The following ATP13A5 variants were observed in gnomAD, a reference collection of about 807,000 sequenced individuals.
The protein encoded by ATP13A5 is probable cation-transporting ATPase 13A5.
In ATP13A5, 149 loss-of-function variants were observed where a neutral mutation model predicts 150.2. The ratio of observed to expected loss-of-function variants is 0.99; its 90% CI spans 0.87 to 1.14. The LOEUF (loss-of-function observed/expected upper bound fraction) is 1.14, where lower values mean the gene tolerates loss of function less well. ATP13A5 is among the 50% of genes most tolerant of loss of function. The pLI, the probability that ATP13A5 is intolerant of heterozygous loss-of-function variation, is 0.00. For synonymous variants in ATP13A5, 497 were observed against 522.2 expected (o/e 0.95, Z 0.66); for missense variants, 1,383 against 1,449.3 (o/e 0.95, Z 0.74).
intron 11 of ATP13A5, among the ~76,000 whole-genome samples, chr3:193,333,212 A>C (rs1236857482): frequency 6.6e-6 from 1 of 151,382 alleles, no homozygotes; most frequent in African/African-American, 2.4e-5. Flanking sequence ...GATGCCACCA[A>C]TTTGGACATT....
intron 10 of ATP13A5, among the ~76,000 whole-genome samples, 193 bp from the exon 11 acceptor site, chr3:193,334,100 C>G (rs968352127): frequency 6.6e-6 from 1 of 152,098 alleles, no homozygotes; most frequent in African/African-American, 2.4e-5. Flanking sequence ...GAGCAATGCT[C>G]TAGTGTCTAG....
At chr3:193,331,465 G>T (rs574248013) in intron 11 of ATP13A5, among the ~76,000 whole-genome samples, 154 bp from the exon 12 acceptor site, 43 of 152,212 alleles carry the variant, frequency 2.8e-4, no homozygotes, top group African/African-American at 1.0e-3. Flanking sequence ...TCCTGGTTCT[G>T]TTTCCCTCTA....
intron 9 of ATP13A5, among the ~76,000 whole-genome samples, chr3:193,339,814 A>G (rs1415577437): frequency 6.6e-6 from 1 of 152,154 alleles, no homozygotes; most frequent in Non-Finnish European, 1.5e-5. Flanking sequence ...TTTGAATCAC[A>G]GAATATTAAT....
chr3:193,360,856 T>C (rs1157452277), intron 5 of ATP13A5, among the ~76,000 whole-genome samples: 1 of 152,200 alleles, frequency 6.6e-6, no homozygotes, highest in African/African-American at 2.4e-5. Context: ...TTTGTATTTT[T>C]AGTAAAGACG....
chr3:193,345,664 T>G (rs1439889360), intron 7 of ATP13A5, among the ~76,000 whole-genome samples: 1 of 152,164 alleles, frequency 6.6e-6, no homozygotes, highest in Non-Finnish European at 1.5e-5. Flanking sequence ...GACTCAGGTA[T>G]TGTAACAGAC....
intron 20 of ATP13A5, 78 bp from the exon 21 acceptor site, chr3:193,310,795 T>A: frequency 3.7e-6 from 4 of 1,068,568 alleles, no homozygotes; most frequent in Non-Finnish European, 5.5e-6. Context: ...CCCTGAAAAA[T>A]CACTCCTGGT....
intron 15 of ATP13A5, 119 bp from the exon 16 acceptor site, chr3:193,321,956 G>T: frequency 8.6e-7 from 1 of 1,162,248 alleles, no homozygotes. Flanking sequence ...TAGTATATTT[G>T]TCACAACATT....
chr3:193,364,038 G>A, intron 2 of ATP13A5, 69 bp downstream of exon 2: 2 of 1,481,348 alleles, frequency 1.4e-6, no homozygotes, highest in African/African-American at 1.4e-5. Context: ...CAGCCACAGA[G>A]TTATGCCACA....
chr3:193,374,299 C>CAGAG (rs749292538), intron 1 of ATP13A5, among the ~76,000 whole-genome samples: 3 of 116,012 alleles, frequency 2.6e-5, no homozygotes, highest in African/African-American at 1.1e-4. Flanking sequence ...CACACACACA[C>CAGAG]ACAGAGAGAG....
chr3:193,327,132 AGTT>A, intron 12 of ATP13A5, 75 bp from the exon 13 acceptor site: 2 of 1,335,482 alleles, frequency 1.5e-6, no homozygotes, highest in South Asian at 2.7e-5. Flanking sequence ...ACAAAACCCA[AGTT>A]TCTAAGATAT....
At chr3:193,360,114 C>T (rs1712949107) in intron 5 of ATP13A5, among the ~76,000 whole-genome samples, 1 of 152,154 alleles carries the variant, frequency 6.6e-6, no homozygotes, top group Non-Finnish European at 1.5e-5. Context: ...CTAGGACAGG[C>T]ACTAATATGG....
intron 5 of ATP13A5, among the ~76,000 whole-genome samples, chr3:193,356,605 T>A (rs961772989): frequency 2.6e-5 from 4 of 152,126 alleles, no homozygotes; most frequent in African/African-American, 9.7e-5. Flanking sequence ...CAGTAGCATA[T>A]GAGAAAAATA....
Position 193,354,111 on chromosome 3 carries a change from A to G in ATP13A5, c.606+16T>C. The stretch of plus-strand genomic sequence containing the variant: ...AAATCTATTTTTTCAAAAAAAAAAG[A>G]AAAGAAAACAGTTACCTGTTTAACA... On this transcript the variant is annotated intron_variant, in intron 6 of 29. Coordinates refer to ENST00000342358, the MANE Select transcript of ATP13A5 (RefSeq NM_198505.4). The G allele has an allele frequency of 6.3e-7, 1 of 1,589,450 alleles. No individual in the cohort carries two copies. Among genetic ancestry groups the G allele is most frequent in the Non-Finnish European group, 8.5e-7 (1 of 1,172,404 alleles).
chr3:193,326,932 G>T, intron 13 of ATP13A5, 64 bp downstream of exon 13: 2 of 1,409,640 alleles, frequency 1.4e-6, no homozygotes, highest in East Asian at 2.3e-5. Flanking sequence ...CCCAAAAGAT[G>T]GATTTGAGTA....
At chr3:193,286,128 C>CT (rs36000663) in intron 26 of ATP13A5, among the ~76,000 whole-genome samples, 144 of 151,986 alleles carry the variant, frequency 9.5e-4, no homozygotes, top group South Asian at 1.7e-3. Context: ...TTCCAATGTT[C>CT]TTTTTTTTCA....
intron 29 of ATP13A5, among the ~76,000 whole-genome samples, chr3:193,276,182 C>T (rs1365129812): frequency 1.3e-5 from 2 of 152,080 alleles, no homozygotes; most frequent in African/African-American, 4.8e-5. Flanking sequence ...AGTCTTAAAG[C>T]ACATGAGTTA....
chr3:193,333,937 G>C, intron 10 of ATP13A5, 30 bp from the exon 11 acceptor site: 1 of 1,593,118 alleles, frequency 6.3e-7, no homozygotes, highest in Non-Finnish European at 8.6e-7. Context: ...GATCAAGTAA[G>C]GCTGCTTGAT....
Position 193,297,944 on chromosome 3 carries a change from C to T in ATP13A5, c.2848+1187G>A, listed in dbSNP as rs777397011. Among the ~76,000 whole-genome samples, 4 of 152,118 alleles carry T rather than the reference C, an allele frequency of 2.6e-5. 1 individual carries two copies. In the South Asian group the frequency reaches 6.2e-4, roughly 24 times the overall value. On this transcript the variant is annotated intron_variant, in intron 25 of 29. Coordinates refer to ENST00000342358, the MANE Select transcript of ATP13A5 (RefSeq NM_198505.4). ...TATCTGTACACATTCTAAGGCTCTT[C>T]AAGTGCTCAGAGAGCTAGTCAGTCT...
At chr3:193,376,000 G>A (rs942073001) in intron 1 of ATP13A5, among the ~76,000 whole-genome samples, 3 of 152,260 alleles carry the variant, frequency 2.0e-5, no homozygotes, top group African/African-American at 7.2e-5. Context: ...AAGTTAGACC[G>A]GGCCACAGGG....
Sources: gnomAD v4.1 joint callset for allele counts (sites outside exome capture counted in the v4.1 genomes callset) on GRCh38, gnomAD v4.1.1 for gene constraint, MANE v1.5 for transcripts, NCBI Gene and HGNC (gene_info 2026-07-23, HGNC 2026-07-21) for gene names.